The following GOLGA4 variants were observed in gnomAD, a reference collection of about 807,000 sequenced individuals.
GOLGA4 encodes the protein golgin A4.
Under a neutral mutation model 265.9 loss-of-function variants are expected in GOLGA4, and 169 were observed. That is an observed-to-expected ratio of 0.64 (90% CI 0.56 to 0.72). The LOEUF (loss-of-function observed/expected upper bound fraction) is 0.72. Ranked by LOEUF, GOLGA4 falls within the 30% of genes least tolerant of loss-of-function variation. GOLGA4 has a pLI of 0.00. For synonymous variants in GOLGA4, 923 were observed against 855.8 expected (o/e 1.08, Z -1.37); for missense variants, 2,482 against 2,483.4 (o/e 1.00, Z 0.01).
At chr3:37,352,004 C>G (rs1047852360) in intron 21 of GOLGA4, among the ~76,000 whole-genome samples, 1 of 152,010 alleles carries the variant, frequency 6.6e-6, no homozygotes, top group Non-Finnish European at 1.5e-5. Flanking sequence ...TATGTAAGTC[C>G]TAGGTGGCAT....
At position 37,327,218 on chromosome 3, in the gene GOLGA4, A is replaced by G; in HGVS notation, c.5332A>G (p.Ile1778Val). The G allele has an allele frequency of 1.2e-6, 2 of 1,613,958 alleles. No individual in the cohort carries two copies. Among genetic ancestry groups the G allele is most frequent in the South Asian group, 1.1e-5 (1 of 91,082 alleles). Residue 1778 changes from isoleucine (I) to valine (V), a missense_variant, in exon 14 of 24, where the codon ATA becomes GTA. By Grantham distance (29) the Ile-to-Val change is conservative. This residue lies in a region of GOLGA4 where 942 missense variants were observed against 983.1 expected (regional missense o/e 0.96). Coordinates refer to ENST00000361924, the MANE Select transcript of GOLGA4 (RefSeq NM_002078.5). ...EMRCQYQERL[I>V]KLEHAEAKQH... ...GCGATGCCAATACCAGGAGCGCTTAATAAAGCTAGAACATGCTGAGGCAAA... is the reference window on the plus strand; with the variant it reads ...GCGATGCCAATACCAGGAGCGCTTAGTAAAGCTAGAACATGCTGAGGCAAA...
At chr3:37,251,505 CT>C in intron 2 of GOLGA4, 21 bp downstream of exon 2, 1 of 1,382,994 alleles carries the variant, frequency 7.2e-7, no homozygotes, top group Non-Finnish European at 1.0e-6. Context: ...AATTCCTTTT[CT>C]AGTATACCTC....
At chr3:37,322,139 G>A (rs1317252411) in intron 13 of GOLGA4, among the ~76,000 whole-genome samples, 4 of 152,112 alleles carry the variant, frequency 2.6e-5, no homozygotes, top group African/African-American at 9.7e-5. Flanking sequence ...GCTTTTCACT[G>A]ACCCTGCAGC....
At chr3:37,291,125 T>C (rs2096863471) in intron 5 of GOLGA4, among the ~76,000 whole-genome samples, 1 of 152,032 alleles carries the variant, frequency 6.6e-6, no homozygotes, top group African/African-American at 2.4e-5. Context: ...ATTCAGAGAG[T>C]GCACATTAGA....
intron 2 of GOLGA4, among the ~76,000 whole-genome samples, chr3:37,281,177 A>G (rs1332027464): frequency 1.3e-5 from 2 of 152,200 alleles, no homozygotes; most frequent in African/African-American, 4.8e-5. Context: ...TTTCATTGTG[A>G]CTAAATTAAT....
chr3:37,320,831 T>G (rs559981441), intron 12 of GOLGA4, among the ~76,000 whole-genome samples: 1 of 152,276 alleles, frequency 6.6e-6, no homozygotes, highest in South Asian at 2.1e-4. Context: ...CTATTAAAAT[T>G]TCCTCCTTTA....
intron 23 of GOLGA4, among the ~76,000 whole-genome samples, chr3:37,365,047 C>T (rs1696642430): frequency 6.6e-6 from 1 of 151,976 alleles, no homozygotes; most frequent in South Asian, 2.1e-4. Context: ...AGACACACAC[C>T]ATCATGCCTG....
At chr3:37,278,194 ATTTTC>A (rs1010107250) in intron 2 of GOLGA4, among the ~76,000 whole-genome samples, 2 of 150,252 alleles carry the variant, frequency 1.3e-5, no homozygotes, top group Non-Finnish European at 3.0e-5. Flanking sequence ...TAAAATGCAT[ATTTTC>A]TTTTCTTTTT....
rs1474945601 is a variant in GOLGA4, at chr3:37,326,159, A to C, written c.4273A>C (p.Ser1425Arg). ...TTTATCTTTTAAAGTTGACACTCTG[A>C]GTAAAGAGAAAATTTCTGCTCTTGA... is the stretch of plus-strand genomic sequence containing the variant. ...QDLSFKVDTL[S>R]KEKISALEQV... is the part of the protein sequence containing the mutation. The change falls in exon 14 of 24, where the codon AGT becomes CGT. Residue 1425 changes from serine to arginine, a missense_variant. Around this residue, in one of 3 missense-constraint regions of GOLGA4, gnomAD observed 942 missense variants for 983.1 expected, o/e 0.96. Transcript: ENST00000361924. The C allele has an allele frequency of 1.1e-5, 17 of 1,613,422 alleles. No homozygotes were observed. In the East Asian group the frequency reaches 3.6e-4, roughly 34 times the overall value.
intron 21 of GOLGA4, among the ~76,000 whole-genome samples, chr3:37,353,876 A>T (rs1293837199): frequency 1.3e-5 from 2 of 152,042 alleles, no homozygotes; most frequent in Non-Finnish European, 2.9e-5. Flanking sequence ...TACAGTTGTT[A>T]GCCACCATGC....
chr3:37,340,473 T>C (rs1198118920), intron 20 of GOLGA4, among the ~76,000 whole-genome samples: 1 of 150,594 alleles, frequency 6.6e-6, no homozygotes, highest in Non-Finnish European at 1.5e-5. Flanking sequence ...AATCTACTCT[T>C]TTCACAGTTT....
chr3:37,264,022 G>A (rs1233795504), intron 2 of GOLGA4, among the ~76,000 whole-genome samples: 1 of 152,228 alleles, frequency 6.6e-6, no homozygotes, highest in African/African-American at 2.4e-5. Flanking sequence ...TAGGCTTTGA[G>A]ATGACTGTCA....
intron 7 of GOLGA4, among the ~76,000 whole-genome samples, chr3:37,297,039 T>G (rs1030650613): frequency 6.6e-6 from 1 of 152,240 alleles, no homozygotes; most frequent in African/African-American, 2.4e-5. Flanking sequence ...TTGTAATTGT[T>G]TGGATATTTT....
At chr3:37,254,348 C>T (rs1460159052) in intron 2 of GOLGA4, among the ~76,000 whole-genome samples, 1 of 152,070 alleles carries the variant, frequency 6.6e-6, no homozygotes, top group Non-Finnish European at 1.5e-5. Flanking sequence ...TCAGTATATG[C>T]ATCAAGGATA....
chr3:37,294,945 C>G lies in GOLGA4; in HGVS notation c.583-34C>G, dbSNP rs76283087. On this transcript the variant is annotated intron_variant, in intron 5 of 23. Coordinates refer to ENST00000361924, the MANE Select transcript of GOLGA4 (RefSeq NM_002078.5). ...AAAACTTTGTATTTTTTGTTTTATA[C>G]TGAAAATTACCTGTAAATCATTTTA... 2.4e-3 allele frequency: 3,415 copies of G among 1,412,498 alleles called. 78 individuals are homozygous for G. The African/African-American group carries it at 0.043, about 18-fold the overall frequency. 87.5% of individuals were successfully genotyped at this position (1,412,498 alleles called of 1,614,324 possible).
At chr3:37,363,332 A>G (rs1385041764) in intron 23 of GOLGA4, among the ~76,000 whole-genome samples, 1 of 152,190 alleles carries the variant, frequency 6.6e-6, no homozygotes, top group African/African-American at 2.4e-5. Context: ...ATAATACTGC[A>G]TTGTACTTGT....
intron 2 of GOLGA4, chr3:37,273,555 C>G (rs373401405): frequency 1.5e-5 from 23 of 1,512,738 alleles, no homozygotes; most frequent in Non-Finnish European, 2.0e-5. Flanking sequence ...ACTCATGCCT[C>G]GAAATCTCCT....
At chr3:37,318,565 T>C (rs2096944467) in intron 11 of GOLGA4, among the ~76,000 whole-genome samples, 1 of 152,116 alleles carries the variant, frequency 6.6e-6, no homozygotes, top group Non-Finnish European at 1.5e-5. Context: ...ATTCTGTTTT[T>C]TTTTAATATA....
At chr3:37,289,065 A>G (rs2096858018) in intron 4 of GOLGA4, among the ~76,000 whole-genome samples, 170 bp from the exon 5 acceptor site, 2 of 152,152 alleles carry the variant, frequency 1.3e-5, no homozygotes, top group African/African-American at 4.8e-5. Context: ...AACTTAACAG[A>G]TTTTTCAATA....
Sources: gnomAD v4.1 joint callset for allele counts (sites outside exome capture counted in the v4.1 genomes callset) on GRCh38, gnomAD v4.1.1 for gene constraint, gnomAD v4.1.1 regional missense constraint, MANE v1.5 for transcripts, NCBI Gene and HGNC (gene_info 2026-07-23, HGNC 2026-07-21) for gene names.